Variants in MMS22L observed in about 807,000 individuals in gnomAD.
The protein encoded by MMS22L is protein MMS22-like.
In MMS22L, 74 loss-of-function variants were observed where a neutral mutation model predicts 159.1. That is an observed-to-expected ratio of 0.47 (90% CI 0.39 to 0.56). MMS22L has a LOEUF of 0.56. Among genes scored for constraint, MMS22L ranks in the 20% least tolerant of loss-of-function variants. The pLI, the probability that MMS22L is intolerant of heterozygous loss-of-function variation, is 0.00. For synonymous variants in MMS22L, 517 were observed against 506.9 expected (o/e 1.02, Z -0.27); for missense variants, 1,351 against 1,422.1 (o/e 0.95, Z 0.80).
At chr6:97,234,263 G>T (rs891739065) in intron 11 of MMS22L, among the ~76,000 whole-genome samples, 1 of 152,016 alleles carries the variant, frequency 6.6e-6, no homozygotes, top group Admixed American at 6.6e-5. Flanking sequence ...GAATGGTACT[G>T]GAAACCCAGA....
At position 97,281,274 on chromosome 6, in the gene MMS22L, AT is replaced by A; in HGVS notation, c.252del (p.Leu85Ter). ...IFGIQWVTET[A>X]LVNSSRELFH... is the part of the protein sequence containing the mutation. ...AAGAGTTCTCTAGATGAATTCACTA[AT>A]GCTGTTTCAGTAACCCACTGAATGC... On this transcript the variant is annotated frameshift_variant, in exon 3 of 25. Coordinates refer to ENST00000683635, the MANE Select transcript of MMS22L (RefSeq NM_001350599.2). LOFTEE classifies it high-confidence loss of function. The A allele has an allele frequency of 1.2e-6, 2 of 1,611,688 alleles. No individual in the cohort carries two copies. Among genetic ancestry groups the A allele is most frequent in the Non-Finnish European group, 1.7e-6 (2 of 1,179,386 alleles).
chr6:97,221,480 C>T (rs1809644260), intron 14 of MMS22L, among the ~76,000 whole-genome samples: 1 of 151,544 alleles, frequency 6.6e-6, no homozygotes, highest in Non-Finnish European at 1.5e-5. Flanking sequence ...ATACATTATG[C>T]CAAATTCAAG....
At chr6:97,225,228 T>C (rs1035099281) in intron 14 of MMS22L, among the ~76,000 whole-genome samples, 2 of 152,216 alleles carry the variant, frequency 1.3e-5, no homozygotes, top group African/African-American at 4.8e-5. Context: ...AGTTGGTGAA[T>C]GAATGTGAAA....
At chr6:97,239,072 C>T (rs1026098543) in intron 11 of MMS22L, among the ~76,000 whole-genome samples, 1 of 150,678 alleles carries the variant, frequency 6.6e-6, no homozygotes, top group African/African-American at 2.4e-5. Flanking sequence ...TAACTGTTAC[C>T]AGAAGTTTGC....
In MMS22L at chr6:97,162,111, A is replaced by G. The variant is rs111434494; in HGVS notation, c.3276T>C (p.Ile1092=). 835 of 1,611,704 alleles carry G rather than the reference A, an allele frequency of 5.2e-4. 6 individuals are homozygous for G. The African/African-American group carries it at 9.2e-3, about 18-fold the overall frequency. ...TGAAGAGTTGGAGGATGAAGGCCAG[A>G]ATGGATGCTAAGCGAGGAGGAGGTG... ...GSSPPPRLAS[I]LAFILQLFKE... The change falls in exon 22 of 25, where the codon ATT becomes ATC. Residue 1092 remains isoleucine, a synonymous_variant. Transcript: ENST00000683635.
chr6:97,239,291 CT>C (rs1356733558), intron 11 of MMS22L, among the ~76,000 whole-genome samples: 3 of 152,022 alleles, frequency 2.0e-5, no homozygotes, highest in Non-Finnish European at 4.4e-5. Context: ...TAAAATCAGG[CT>C]TACTTTTTAA....
intron 3 of MMS22L, among the ~76,000 whole-genome samples, chr6:97,279,718 G>C (rs998190790): frequency 4.6e-5 from 7 of 151,290 alleles, no homozygotes; most frequent in African/African-American, 1.7e-4. Flanking sequence ...CTCGGGAGGC[G>C]GAAGTTGCAG....
intron 22 of MMS22L, among the ~76,000 whole-genome samples, chr6:97,154,465 T>C (rs1801631258): frequency 6.6e-6 from 1 of 152,160 alleles, no homozygotes; most frequent in Admixed American, 6.5e-5. Context: ...CTTGATGAAG[T>C]CCAATTTATC....
intron 22 of MMS22L, among the ~76,000 whole-genome samples, chr6:97,153,020 T>C (rs937868582): frequency 6.6e-6 from 1 of 151,818 alleles, no homozygotes; most frequent in Non-Finnish European, 1.5e-5. Context: ...AAAAAGCTTT[T>C]TGTAGAGATG....
intron 14 of MMS22L, among the ~76,000 whole-genome samples, chr6:97,190,568 A>G (rs1805761431): frequency 6.6e-6 from 1 of 152,210 alleles, no homozygotes. Flanking sequence ...CATGGTGGAA[A>G]TAACAGCAAC....
At chr6:97,159,604 G>C (rs1417170043) in intron 22 of MMS22L, among the ~76,000 whole-genome samples, 6 of 151,858 alleles carry the variant, frequency 4.0e-5, no homozygotes, top group Non-Finnish European at 8.8e-5. Context: ...TGCTATATAG[G>C]TCCAGCATTC....
Position 97,165,286 on chromosome 6 carries a change from G to T in MMS22L, c.3181C>A (p.Pro1061Thr), listed in dbSNP as rs1184674267. Residue 1061 changes from proline to threonine, a missense_variant, in exon 21 of 25, where the codon CCA becomes ACA. Physicochemically the swap from Pro to Thr is conservative, Grantham distance 38. Coordinates refer to ENST00000683635, the MANE Select transcript of MMS22L (RefSeq NM_001350599.2). ...ATGCATTTCTTTAGAGATGATATTGGTGGAATAGTGGCTGTGTTTCTCAAT... is the reference window on the plus strand; with the variant it reads ...ATGCATTTCTTTAGAGATGATATTGTTGGAATAGTGGCTGTGTTTCTCAAT... ...LALRNTATIP[P>T]ISSLKKCIVQ... 1.2e-6 allele frequency: 2 copies of T among 1,613,182 alleles called. No homozygotes were observed. Among genetic ancestry groups the T allele is most frequent in the Middle Eastern group, 3.3e-4 (2 of 6,054 alleles).
At chr6:97,273,208 C>T in intron 4 of MMS22L, 146 bp from the exon 5 acceptor site, 1 of 663,604 alleles carries the variant, frequency 1.5e-6, no homozygotes, top group Non-Finnish European at 2.5e-6. Context: ...CTCCCCGCTA[C>T]TCCTCAAAAA....
chr6:97,217,192 T>A (rs534090798), intron 14 of MMS22L, among the ~76,000 whole-genome samples: 1 of 152,268 alleles, frequency 6.6e-6, no homozygotes, highest in East Asian at 1.9e-4. Context: ...CTATGCTTCT[T>A]GAAAGTAGGA....
intron 14 of MMS22L, among the ~76,000 whole-genome samples, chr6:97,210,677 T>C (rs1215168187): frequency 6.6e-6 from 1 of 151,968 alleles, no homozygotes; most frequent in Non-Finnish European, 1.5e-5. Context: ...TGTGTTGTAT[T>C]AGTCCATATA....
At position 97,165,310 on chromosome 6, in the gene MMS22L, A is replaced by T; in HGVS notation, c.3157T>A (p.Leu1053Met). 6.2e-7 allele frequency: 1 copy of T among 1,613,412 alleles called. No homozygotes were observed. Among genetic ancestry groups the T allele is most frequent in the Non-Finnish European group, 8.5e-7 (1 of 1,179,622 alleles). ...DLGQHPVLLALRNTATIPPIS... is the reference protein window; with the variant it reads ...DLGQHPVLLAMRNTATIPPIS... ...GGTGGAATAGTGGCTGTGTTTCTCA[A>T]TGCCAGCAAAACAGGATGTTGTCCA... Residue 1053 changes from leucine to methionine, a missense_variant, in exon 21 of 25, where the codon TTG (leucine) becomes ATG (methionine). By Grantham distance (15) the Leu-to-Met change is conservative (BLOSUM62 2). Coordinates refer to ENST00000683635, the MANE Select transcript of MMS22L (RefSeq NM_001350599.2).
intron 24 of MMS22L, among the ~76,000 whole-genome samples, chr6:97,147,378 T>C (rs1800970539): frequency 6.6e-6 from 1 of 152,206 alleles, no homozygotes; most frequent in African/African-American, 2.4e-5. Flanking sequence ...TCCTCCTACA[T>C]TCTCTAGTAC....
chr6:97,273,945 T>C (rs918941006), intron 4 of MMS22L, among the ~76,000 whole-genome samples: 1 of 152,222 alleles, frequency 6.6e-6, no homozygotes, highest in Non-Finnish European at 1.5e-5. Flanking sequence ...ATACCTATTA[T>C]ATTTAGAATA....
intron 14 of MMS22L, among the ~76,000 whole-genome samples, chr6:97,199,512 T>C (rs1456393570): frequency 6.6e-6 from 1 of 152,156 alleles, no homozygotes; most frequent in African/African-American, 2.4e-5. Flanking sequence ...ATAATTACAA[T>C]AGCTAATGCA....
Sources: allele counts gnomAD v4.1 joint callset (sites outside exome capture counted in the v4.1 genomes callset), GRCh38; gene constraint gnomAD v4.1.1; transcripts MANE v1.5; gene names NCBI Gene and HGNC (gene_info 2026-07-23, HGNC 2026-07-21).